The following ATP2B2 variants were observed in gnomAD, a reference collection of about 807,000 sequenced individuals.
The protein encoded by ATP2B2 is ATPase plasma membrane Ca2+ transporting 2, also known as plasma membrane calcium-transporting ATPase 2.
A neutral mutation model predicts 120.0 loss-of-function variants in ATP2B2; 15 were observed. The ratio of observed to expected loss-of-function variants is 0.12; its 90% CI spans 0.08 to 0.19. The LOEUF (loss-of-function observed/expected upper bound fraction) is 0.19, where lower values mean the gene tolerates loss of function less well. Ranked by LOEUF, ATP2B2 falls within the 10% of genes least tolerant of loss-of-function variation. ATP2B2 has a pLI of 1.00. For missense variants in ATP2B2, 1,045 were observed against 1,719.8 expected (o/e 0.61, Z 6.94); for synonymous variants, 694 against 700.3 (o/e 0.99, Z 0.14).
At chr3:10,388,975 C>A (rs1333289847) in intron 5 of ATP2B2, among the ~76,000 whole-genome samples, 1 of 152,066 alleles carries the variant, frequency 6.6e-6, no homozygotes, top group Non-Finnish European at 1.5e-5. Context: ...TCCTTTGTGA[C>A]CTCAGTGGGA....
At chr3:10,495,516 G>A (rs1274448522) in intron 1 of ATP2B2, among the ~76,000 whole-genome samples, 16 of 152,202 alleles carry the variant, frequency 1.1e-4, no homozygotes, top group Admixed American at 1.0e-3. Context: ...CTCGCTAAAC[G>A]AGAGCTGTCT....
At chr3:10,458,051 TCATC>T (rs1252697423) in intron 1 of ATP2B2, among the ~76,000 whole-genome samples, 1 of 152,132 alleles carries the variant, frequency 6.6e-6, no homozygotes, top group African/African-American at 2.4e-5. Flanking sequence ...CCATTTCTGC[TCATC>T]CATCCATCCA....
intron 3 of ATP2B2, among the ~76,000 whole-genome samples, chr3:10,521,286 C>T (rs2066980108): frequency 6.6e-6 from 1 of 152,232 alleles, no homozygotes; most frequent in Non-Finnish European, 1.5e-5. Flanking sequence ...TAGCCTTGAT[C>T]TGGAGGCATC....
At chr3:10,388,161 C>A in intron 6 of ATP2B2, 116 bp downstream of exon 6, 1 of 1,509,540 alleles carries the variant, frequency 6.6e-7, no homozygotes. Context: ...TGGCTGTCAG[C>A]ACAGGGTGCG....
chr3:10,540,867 A>AT (rs1381483480), intron 2 of ATP2B2, among the ~76,000 whole-genome samples: 3 of 151,490 alleles, frequency 2.0e-5, no homozygotes, highest in African/African-American at 4.8e-5. Context: ...TTAAAATATA[A>AT]TTAAAAAAAA....
At chr3:10,487,937 C>G (rs1575386110) in intron 1 of ATP2B2, among the ~76,000 whole-genome samples, 1 of 152,300 alleles carries the variant, frequency 6.6e-6, no homozygotes, top group East Asian at 1.9e-4. Context: ...CTTTTTGCTT[C>G]TACCCATTCA....
chr3:10,605,289 T>C (rs1055219549), intron 2 of ATP2B2, among the ~76,000 whole-genome samples: 2 of 152,228 alleles, frequency 1.3e-5, no homozygotes, highest in African/African-American at 4.8e-5. Context: ...CCATACGTCC[T>C]CTCATTTAAT....
At chr3:10,602,844 T>A (rs1165841423) in intron 2 of ATP2B2, among the ~76,000 whole-genome samples, 2 of 152,166 alleles carry the variant, frequency 1.3e-5, no homozygotes. Flanking sequence ...CCTGGCAAAC[T>A]GGGCTTTGAA....
chr3:10,662,929 C>A (rs2070826399), intron 1 of ATP2B2, among the ~76,000 whole-genome samples: 1 of 151,976 alleles, frequency 6.6e-6, no homozygotes, highest in African/African-American at 2.4e-5. Context: ...ATGATGAGTT[C>A]ATGTCCTTTG....
At chr3:10,487,090 A>G (rs1347842761) in intron 1 of ATP2B2, among the ~76,000 whole-genome samples, 1 of 152,164 alleles carries the variant, frequency 6.6e-6, no homozygotes, top group Non-Finnish European at 1.5e-5. Flanking sequence ...ACCACTATGT[A>G]CCCACTGCCT....
In ATP2B2 at chr3:10,588,042, C is replaced by T. The variant is rs375870783; in HGVS notation, c.-415+31875G>A. On this transcript the variant is annotated intron_variant, in intron 2 of 21. Transcript: ENST00000646379. ...ACTAGTACACTGAGGAGTATTCTCT[C>T]GTGGATTTTACTTATTCATGGATAG... Among the ~76,000 whole-genome samples, 52 of 152,338 alleles carry T rather than the reference C, an allele frequency of 3.4e-4. No homozygotes were observed. In the South Asian group the frequency reaches 9.5e-3, roughly 28 times the overall value.
chr3:10,359,755 C>A (rs190281309), intron 13 of ATP2B2, 127 bp downstream of exon 13: 1 of 1,382,712 alleles, frequency 7.2e-7, no homozygotes, highest in Non-Finnish European at 1.0e-6. Context: ...GGGTGCTAGA[C>A]GGCCACTCCA....
chr3:10,655,431 A>AC lies in ATP2B2; in HGVS notation c.-459-35471_-459-35470insG, dbSNP rs1324908306. Among the ~76,000 whole-genome samples the AC allele has an allele frequency of 9.9e-5, 15 of 152,134 alleles. 1 individual carries two copies. Among genetic ancestry groups the AC allele is most frequent in the Admixed American group, 2.6e-4 (4 of 15,280 alleles). ...CCCAGGTTGGGACCAAGTAAATTCT[A>AC]TTTTGTAAATTCCCTGGGTGCTTCA... On this transcript the variant is annotated intron_variant, in intron 1 of 21. Transcript: ENST00000646379.
intron 3 of ATP2B2, among the ~76,000 whole-genome samples, chr3:10,405,403 G>A (rs1229586333): frequency 3.9e-5 from 6 of 152,208 alleles, no homozygotes; most frequent in African/African-American, 9.7e-5. Context: ...CTGTCTGCTC[G>A]TCACGCGGTG....
rs1228590578 is a variant in ATP2B2 at position 10,635,620 on chromosome 3, T to A, written c.-459-15659A>T. Among the ~76,000 whole-genome samples, 1 of 152,108 alleles carries A rather than the reference T, an allele frequency of 6.6e-6. No homozygotes were observed. The highest frequency in any genetic ancestry group is 1.5e-5 in the Non-Finnish European group (1 of 68,008). On this transcript the variant is annotated intron_variant, in intron 1 of 21. Transcript: ENST00000646379. The surrounding 1 kb of genome is among the most constrained non-coding windows in gnomAD (Gnocchi z 4.3). ...ATGATCTGCCACAATTTGGCCCTAG[T>A]GGAAAATTCCACTAGCACCTCCCAG...
At chr3:10,423,601 A>T (rs2063058478) in intron 2 of ATP2B2, among the ~76,000 whole-genome samples, 1 of 152,198 alleles carries the variant, frequency 6.6e-6, no homozygotes, top group Non-Finnish European at 1.5e-5. Flanking sequence ...GGGAAAATGG[A>T]GGCCAGAAAA....
At chr3:10,697,582 C>G (rs2071759285) in intron 1 of ATP2B2, among the ~76,000 whole-genome samples, 1 of 152,244 alleles carries the variant, frequency 6.6e-6, no homozygotes, top group Admixed American at 6.5e-5. Context: ...CTGCCCATCT[C>G]TGGGGCCTCT....
At chr3:10,370,353 A>G (rs1201213780) in intron 12 of ATP2B2, among the ~76,000 whole-genome samples, 2 of 152,246 alleles carry the variant, frequency 1.3e-5, no homozygotes, top group Admixed American at 1.3e-4. Flanking sequence ...GGAGATCATT[A>G]TCAGCATCCC....
At chr3:10,602,550 G>A (rs1180337525) in intron 2 of ATP2B2, among the ~76,000 whole-genome samples, 3 of 152,354 alleles carry the variant, frequency 2.0e-5, no homozygotes, top group East Asian at 3.8e-4. Context: ...CAGCGGCAGC[G>A]AGGTGGAATT....
Sources: allele counts gnomAD v4.1 joint callset (sites outside exome capture counted in the v4.1 genomes callset), GRCh38; gene constraint gnomAD v4.1.1; non-coding constraint Gnocchi (gnomAD v3.1); transcripts MANE v1.5; gene names NCBI Gene and HGNC (gene_info 2026-07-23, HGNC 2026-07-21).